SP140: variants seen among roughly 807,000 people sequenced by gnomAD.
SP140 encodes SP140 nuclear body protein, also known as nuclear body protein SP140.
In SP140, 81 loss-of-function variants were observed where a neutral mutation model predicts 125.0. The observed-to-expected ratio is 0.65, with a 90% confidence interval of 0.54 to 0.78. The LOEUF (loss-of-function observed/expected upper bound fraction) is 0.78. Among genes scored for constraint, SP140 ranks in the 30% least tolerant of loss-of-function variants. The pLI is 0.00. For synonymous variants in SP140, 312 were observed against 354.0 expected (o/e 0.88, Z 1.33); for missense variants, 858 against 1,037.0 (o/e 0.83, Z 2.37).
chr2:230,297,713 T>C (rs901288165), intron 22 of SP140, among the ~76,000 whole-genome samples: 2 of 152,204 alleles, frequency 1.3e-5, no homozygotes, highest in Non-Finnish European at 2.9e-5. Flanking sequence ...AAAGTGAGTA[T>C]GGGAGGCTGA....
chr2:230,225,015 A>G (rs1296299732), upstream of SP140, among the ~76,000 whole-genome samples: 2 of 152,190 alleles, frequency 1.3e-5, no homozygotes, highest in Non-Finnish European at 2.9e-5. Flanking sequence ...TTGTGTGCAA[A>G]CATAAATGTA....
chr2:230,215,846 G>A (rs1037749795), intron 3 of SP140, among the ~76,000 whole-genome samples: 2 of 152,132 alleles, frequency 1.3e-5, no homozygotes, highest in Non-Finnish European at 2.9e-5. Context: ...GTAGTGTTAC[G>A]GAGGGAAAGC....
chr2:230,314,300 G>A (rs960967248), downstream of SP140, among the ~76,000 whole-genome samples: 16 of 152,182 alleles, frequency 1.1e-4, no homozygotes, highest in African/African-American at 2.4e-4. Flanking sequence ...TGTAGAGACC[G>A]CTCAGGACAA....
chr2:230,275,383 G>A (rs546622707), intron 15 of SP140, among the ~76,000 whole-genome samples: 35 of 152,092 alleles, frequency 2.3e-4, no homozygotes, highest in Admixed American at 5.2e-4. Context: ...GGTAATTCTC[G>A]CAATATTTCA....
chr2:230,222,404 G>T (rs956765130), upstream of SP140, among the ~76,000 whole-genome samples: 13 of 151,986 alleles, frequency 8.6e-5, no homozygotes, highest in African/African-American at 2.9e-4. Flanking sequence ...ACCAAATGTA[G>T]TTACTACACC....
At chr2:230,309,172 C>A (rs2059097319) in intron 22 of SP140, among the ~76,000 whole-genome samples, 1 of 152,178 alleles carries the variant, frequency 6.6e-6, no homozygotes, top group East Asian at 1.9e-4. Context: ...GAACAAAGCA[C>A]CAGCTCTTTT....
chr2:230,252,625 G>T (rs557795071), intron 10 of SP140, among the ~76,000 whole-genome samples: 1 of 152,150 alleles, frequency 6.6e-6, no homozygotes, highest in Non-Finnish European at 1.5e-5. Context: ...CAGATTACTG[G>T]GTTGCACAAG....
chr2:230,282,527 C>T (rs921159420), intron 15 of SP140, among the ~76,000 whole-genome samples: 5 of 152,236 alleles, frequency 3.3e-5, no homozygotes, highest in African/African-American at 4.8e-5. Flanking sequence ...CCCAGTGCAG[C>T]GGCTCACTCA....
Position 230,299,755 on chromosome 2 carries a change from G to T in SP140, c.2058+2293G>T, listed in dbSNP as rs559270339. On this transcript the variant is annotated intron_variant, in intron 22 of 26. Transcript: ENST00000392045. ...CAAAGGATGCCTGGATATAAATTTGGCTCTGTTGGCTGTTGGGCACCACAG... is the reference window on the plus strand; with the variant it reads ...CAAAGGATGCCTGGATATAAATTTGTCTCTGTTGGCTGTTGGGCACCACAG... Among the ~76,000 whole-genome samples the T allele has an allele frequency of 4.6e-5, 7 of 152,274 alleles. No individual in the cohort carries two copies. In the East Asian group the frequency reaches 1.4e-3, roughly 29 times the overall value.
rs1256043894 is a variant in SP140, at chr2:230,250,662, CAA to C, written c.977-317_977-316del. Reference sequence around the variant, plus strand: ...AGAATGGAGCAGAAACACATGGAAACAAAGAGAAGCACCTGGAGCCACTGGCA... The same window carrying C: ...AGAATGGAGCAGAAACACATGGAAACAGAGAAGCACCTGGAGCCACTGGCA... On this transcript the variant is annotated intron_variant, in intron 9 of 26. Transcript: ENST00000392045. 2.6e-5 allele frequency among the ~76,000 whole-genome samples: 4 copies of C among 152,060 alleles called. 1 individual carries two copies. Among genetic ancestry groups the C allele is most frequent in the African/African-American group, 9.7e-5 (4 of 41,380 alleles).
chr2:230,309,828 AG>A, intron 22 of SP140, 95 bp from the exon 23 acceptor site: 1 of 1,226,026 alleles, frequency 8.2e-7, no homozygotes, highest in East Asian at 2.4e-5. Context: ...CTGTCCATGC[AG>A]GTTCACACAA....
chr2:230,258,937 T>C (rs60567165), intron 12 of SP140, among the ~76,000 whole-genome samples: 4,873 of 152,052 alleles, frequency 0.032, 273 homozygotes, highest in African/African-American at 0.11. Flanking sequence ...TTAAAGTTGA[T>C]CCAAGTACAA....
At chr2:230,224,725 G>T (rs1290243383), upstream of SP140, among the ~76,000 whole-genome samples, 2 of 152,134 alleles carry the variant, frequency 1.3e-5, no homozygotes, top group Non-Finnish European at 2.9e-5. Context: ...GAAAAAGTAG[G>T]ATTCAGGAGC....
rs1293895242 is a variant in SP140, at chr2:230,285,772, C to A, written c.1585C>A (p.Gln529Lys). Residue 529 changes from glutamine (Q) to lysine (K), a missense_variant, in exon 17 of 27, where the codon CAG (glutamine) becomes AAG (lysine). Gln to Lys is a moderately conservative substitution (Grantham distance 53). This residue lies in a region of SP140 where 791 missense variants were observed against 869.5 expected (regional missense o/e 0.91). Coordinates refer to ENST00000392045, the MANE Select transcript of SP140 (RefSeq NM_007237.5). Reference protein sequence around the residue: ...QQNDNSKADGQVVSSEKKANV... With the variant: ...QQNDNSKADGKVVSSEKKANV... ...CCCAGATAATAGCAAAGCCGACGGC[C>A]AGGTGGTCTCCAGTGAAAAGAAGGC... The A allele has an allele frequency of 9.3e-6, 15 of 1,613,618 alleles. No individual in the cohort carries two copies. The highest frequency in any genetic ancestry group is 1.3e-5 in the Non-Finnish European group (15 of 1,179,682).
Position 230,211,587 on chromosome 2 carries a change from G to C in SP140, c.-322-2067G>C. 7.9e-7 allele frequency: 1 copy of C among 1,269,118 alleles called. No homozygotes were observed. Among genetic ancestry groups the C allele is most frequent in the Non-Finnish European group, 1.2e-6 (1 of 864,992 alleles). The allele number at this position is 1,269,118 out of a possible 1,614,324, so 78.6% of individuals were successfully genotyped here. On this transcript the variant is annotated intron_variant, in intron 1 of 4. Coordinates refer to the SP140 transcript ENST00000456542. This position sits in a 1 kb window ranked among gnomAD's most constrained non-coding sequence, Gnocchi z 4.2. Reference sequence around the variant, plus strand: ...AGGAAGAAAAAGTTTTAGATCTCAGGAACAGCAAGCAGGGACCAGAATGAG... The same window carrying C: ...AGGAAGAAAAAGTTTTAGATCTCAGCAACAGCAAGCAGGGACCAGAATGAG...
At chr2:230,229,456 CTTTTTTTTTTTT>C (rs1163771237) in intron 1 of SP140, among the ~76,000 whole-genome samples, 1,284 of 57,586 alleles carry the variant, frequency 0.022, 20 homozygotes, top group African/African-American at 0.072. Flanking sequence ...TGAAGAAATT[CTTTTTTTTTTTT>C]TTTTTTTTTT....
intron 16 of SP140, 101 bp downstream of exon 16, chr2:230,284,512 C>T (rs1021797840): frequency 3.3e-6 from 3 of 911,516 alleles, no homozygotes; most frequent in African/African-American, 3.4e-5. Context: ...GAGTTCTATA[C>T]CTCCTGTATC....
chr2:230,229,920 C>T (rs2047006303), intron 1 of SP140, among the ~76,000 whole-genome samples: 1 of 151,604 alleles, frequency 6.6e-6, no homozygotes, highest in Admixed American at 6.6e-5. Flanking sequence ...CTTGTTCTTT[C>T]ACAGGTAGGG....
chr2:230,214,751 T>C (rs1559180900), intron 3 of SP140, among the ~76,000 whole-genome samples: 1 of 152,200 alleles, frequency 6.6e-6, no homozygotes, highest in African/African-American at 2.4e-5. Context: ...TTATGTCCTC[T>C]AGAAGTTCAT....
Sources: allele counts gnomAD v4.1 joint callset (sites outside exome capture counted in the v4.1 genomes callset), GRCh38; gene constraint gnomAD v4.1.1; regional missense constraint gnomAD v4.1.1; non-coding constraint Gnocchi (gnomAD v3.1); transcripts MANE v1.5; gene names NCBI Gene and HGNC (gene_info 2026-07-23, HGNC 2026-07-21).